The following NAA38 variants were observed in gnomAD, a reference collection of about 807,000 sequenced individuals.
The protein encoded by NAA38 is LSM domain containing 1.
NAA38 carries 15 observed loss-of-function variants against 12.6 expected under a neutral mutation model. The observed-to-expected ratio is 1.19, with a 90% CI of 0.79 to 1.83. The LOEUF is 1.83. NAA38 is among the 40% of genes most tolerant of loss of function. The probability of loss-of-function intolerance (pLI) is 0.00; values close to 1 mark genes in which losing one functional copy is unlikely to be tolerated. For missense variants in NAA38, 183 were observed against 171.7 expected (o/e 1.07, Z -0.37); for synonymous variants, 88 against 69.9 (o/e 1.26, Z -1.29).
chr17:7,858,943 C>A, upstream of NAA38: 1 of 956,092 alleles, frequency 1.0e-6, no homozygotes, highest in Non-Finnish European at 1.5e-6. Context: ...CTGTCCTTTA[C>A]ATTGAGGCAA....
chr17:7,863,031 G>T (rs1053537884), upstream of NAA38: 6 of 152,168 alleles, frequency 3.9e-5, no homozygotes, highest in Non-Finnish European at 7.3e-5. Context: ...GGCAGGAAAG[G>T]AGTGCAGTTA....
At chr17:7,875,026 T>C (rs1481692852) in intron 2 of NAA38, among the ~76,000 whole-genome samples, 2 of 151,318 alleles carry the variant, frequency 1.3e-5, no homozygotes, top group Admixed American at 6.6e-5. Context: ...CGAGATCCCA[T>C]CTCTACAAAA....
chr17:7,858,818 A>G (rs371219855), upstream of NAA38: 40 of 1,539,016 alleles, frequency 2.6e-5, no homozygotes, highest in Non-Finnish European at 3.4e-5. Flanking sequence ...AGGAGCACAC[A>G]CTGGAGGTGA....
chr17:7,857,537 G>C lies in NAA38; in HGVS notation c.-74C>G. On this transcript the variant is annotated 5_prime_UTR_variant, in exon 1 of 3. Coordinates refer to ENST00000575771, the MANE Select transcript of NAA38 (RefSeq NM_001320925.4). ...GGTTGGGTGGTCCGAGATCTCGCGA[G>C]CGCTCCCGACCTCTTTCCTTTCGCG... is the stretch of plus-strand genomic sequence containing the variant. The C allele has an allele frequency of 2.7e-6, 4 of 1,460,292 alleles. No individual in the cohort carries two copies. Among genetic ancestry groups the C allele is most frequent in the Non-Finnish European group, 3.6e-6 (4 of 1,109,500 alleles). 90.5% of individuals were successfully genotyped at this position (1,460,292 alleles called of 1,614,324 possible).
upstream of NAA38, chr17:7,859,915 T>G: frequency 2.7e-6 from 1 of 371,172 alleles, no homozygotes; most frequent in South Asian, 3.0e-5. Flanking sequence ...TAAGAGAGAG[T>G]AGTTCTACAG....
intron 2 of NAA38, among the ~76,000 whole-genome samples, chr17:7,868,322 T>TG (rs1178280670): frequency 1.3e-5 from 2 of 152,128 alleles, no homozygotes; most frequent in African/African-American, 4.8e-5. Context: ...TCACGTAAGA[T>TG]GAAGACCTGA....
chr17:7,856,912 C>T, intron 2 of NAA38, 69 bp from the exon 3 acceptor site: 2 of 1,592,572 alleles, frequency 1.3e-6, no homozygotes, highest in Non-Finnish European at 1.7e-6. Flanking sequence ...GCCACGAAAA[C>T]GAGCCCCAGA....
chr17:7,882,935 G>C (rs183454935), intron 2 of NAA38, among the ~76,000 whole-genome samples: 41 of 152,332 alleles, frequency 2.7e-4, no homozygotes, highest in Admixed American at 1.2e-3. Flanking sequence ...CACAGGCATG[G>C]AATGGGAAGC....
intron 3 of NAA38, chr17:7,865,232 G>T (rs899320428): frequency 6.6e-6 from 1 of 152,102 alleles, no homozygotes; most frequent in South Asian, 2.1e-4. Context: ...GCATAGGTAC[G>T]ATTTTTATTT....
chr17:7,880,267 A>G (rs1176042000), intron 2 of NAA38, among the ~76,000 whole-genome samples: 1 of 152,130 alleles, frequency 6.6e-6, no homozygotes. Flanking sequence ...ACAGACAGAT[A>G]AGAAGAAAGA....
At chr17:7,884,680 G>A (rs1035890540) in intron 1 of NAA38, 3 of 397,370 alleles carry the variant, frequency 7.5e-6, no homozygotes, top group African/African-American at 6.7e-5. Flanking sequence ...GTGAGGAGGA[G>A]GAGGACGCCG....
intron 2 of NAA38, among the ~76,000 whole-genome samples, chr17:7,878,272 CATGAATATGATAT>C (rs1967209881): frequency 6.6e-6 from 1 of 151,476 alleles, no homozygotes; most frequent in Admixed American, 6.6e-5. Flanking sequence ...TATGGCAAAT[CATGAATATGATAT>C]ATGAAGGACT....
chr17:7,863,861 A>G (rs1437492535), intron 3 of NAA38: 1 of 152,226 alleles, frequency 6.6e-6, no homozygotes, highest in East Asian at 1.9e-4. Context: ...ATCTGTCTCA[A>G]TGGTCTGCCT....
chr17:7,875,843 G>T (rs1038147613), intron 2 of NAA38, among the ~76,000 whole-genome samples: 8 of 152,084 alleles, frequency 5.3e-5, no homozygotes, highest in African/African-American at 1.9e-4. Context: ...CACAACCACA[G>T]ATCTACTAGT....
At chr17:7,878,394 AGTT>A (rs1041057853) in intron 2 of NAA38, among the ~76,000 whole-genome samples, 1 of 151,818 alleles carries the variant, frequency 6.6e-6, no homozygotes, top group Non-Finnish European at 1.5e-5. Context: ...AAAAAAAAAA[AGTT>A]AGTGATCAAC....
At chr17:7,857,934 C>T (rs556964208), upstream of NAA38, 3 of 1,430,628 alleles carry the variant, frequency 2.1e-6, no homozygotes, top group Admixed American at 2.8e-5. Context: ...TACTACGTTT[C>T]CCGTGAACAC....
chr17:7,858,367 G>C, upstream of NAA38: 1 of 1,614,122 alleles, frequency 6.2e-7, no homozygotes, highest in Non-Finnish European at 8.5e-7. Flanking sequence ...TTCTCGAAGG[G>C]CTGGCATTGA....
chr17:7,873,823 G>T (rs569842818), intron 2 of NAA38, among the ~76,000 whole-genome samples: 1 of 152,318 alleles, frequency 6.6e-6, no homozygotes, highest in South Asian at 2.1e-4. Context: ...AAGTAGATAA[G>T]ATTTTCTATC....
intron 2 of NAA38, among the ~76,000 whole-genome samples, chr17:7,868,264 G>A (rs78479266): frequency 0.028 from 4,281 of 152,248 alleles, 173 homozygotes; most frequent in African/African-American, 0.086. Flanking sequence ...CAAAGAGAGA[G>A]CACAGAAGAG....
Sources: allele counts gnomAD v4.1 joint callset (sites outside exome capture counted in the v4.1 genomes callset), GRCh38; gene constraint gnomAD v4.1.1; transcripts MANE v1.5; gene names NCBI Gene and HGNC (gene_info 2026-07-23, HGNC 2026-07-21).